Variants in TENM3 observed in about 807,000 individuals in gnomAD.
The protein encoded by TENM3 is teneurin transmembrane protein 3.
In TENM3, 63 loss-of-function variants were observed where a neutral mutation model predicts 255.1. The observed-to-expected ratio is 0.25, with a 90% CI of 0.20 to 0.30. The LOEUF is 0.30. Among genes scored for constraint, TENM3 ranks in the 10% least tolerant of loss-of-function variants. The probability of loss-of-function intolerance (pLI) is 1.00; values close to 1 mark genes in which losing one functional copy is unlikely to be tolerated. For synonymous variants in TENM3, 1,306 were observed against 1,322.3 expected, an observed-to-expected ratio of 0.99 and a Z score of 0.27; for missense variants, 2,929 against 3,461.1, an observed-to-expected ratio of 0.85 and a Z score of 3.86.
chr4:182,260,993 A>C (rs188601391), intron 1 of TENM3, among the ~76,000 whole-genome samples: 1 of 151,784 alleles, frequency 6.6e-6, no homozygotes, highest in African/African-American at 2.4e-5. Flanking sequence ...CTCCTGCTTC[A>C]GCCTCCTGAG....
At chr4:181,846,828 A>G in the TENM3 span, among the ~76,000 whole-genome samples, 1 of 152,216 alleles carries the variant, frequency 6.6e-6, no homozygotes, top group Non-Finnish European at 1.5e-5. Flanking sequence ...TATTACAACA[A>G]CTACCACAGG....
chr4:181,624,106 G>A, the TENM3 span, among the ~76,000 whole-genome samples: 8 of 152,140 alleles, frequency 5.3e-5, no homozygotes, highest in Admixed American at 1.3e-4. Flanking sequence ...CCAGCCTAGC[G>A]TCTACTATAT....
chr4:182,744,894 AC>A (rs1190311991), intron 19 of TENM3, among the ~76,000 whole-genome samples: 15 of 152,212 alleles, frequency 9.9e-5, no homozygotes. Context: ...TGCAGAAGAT[AC>A]AATAAAGACT....
At chr4:182,240,667 G>A (rs772107571), upstream of TENM3, among the ~76,000 whole-genome samples, 3 of 152,164 alleles carry the variant, frequency 2.0e-5, no homozygotes, top group Non-Finnish European at 4.4e-5. Context: ...CGGCCCTGCA[G>A]CCCACGAGAG....
chr4:181,656,481 G>T, the TENM3 span, among the ~76,000 whole-genome samples: 8 of 152,194 alleles, frequency 5.3e-5, no homozygotes, highest in Non-Finnish European at 1.0e-4. Flanking sequence ...GTGGAAAATA[G>T]AATAGGCAAT....
the TENM3 span, among the ~76,000 whole-genome samples, chr4:181,956,384 A>T: frequency 9.9e-5 from 15 of 152,192 alleles, no homozygotes; most frequent in African/African-American, 3.1e-4. Context: ...TTCAATAGAC[A>T]CCCATGACAA....
At chr4:181,665,890 G>A in the TENM3 span, among the ~76,000 whole-genome samples, 1 of 151,796 alleles carries the variant, frequency 6.6e-6, no homozygotes, top group Non-Finnish European at 1.5e-5. Context: ...ATAAAATAAT[G>A]CATAAAATAA....
At chr4:181,530,775 G>A in the TENM3 span, among the ~76,000 whole-genome samples, 4 of 152,234 alleles carry the variant, frequency 2.6e-5, no homozygotes, top group Non-Finnish European at 5.9e-5. Context: ...TGTCGTATTC[G>A]TTGGAGGAGT....
intron 11 of TENM3, among the ~76,000 whole-genome samples, chr4:182,683,249 A>G (rs1477801602): frequency 6.6e-6 from 1 of 152,182 alleles, no homozygotes; most frequent in African/African-American, 2.4e-5. Context: ...ATTACTTGGA[A>G]TAATATATAT....
At chr4:181,918,070 T>A in the TENM3 span, among the ~76,000 whole-genome samples, 1 of 152,170 alleles carries the variant, frequency 6.6e-6, no homozygotes, top group Non-Finnish European at 1.5e-5. Flanking sequence ...CAGTTTCTTC[T>A]CTCTAAAAGT....
chr4:182,678,409 T>C (rs1476107992), intron 7 of TENM3, among the ~76,000 whole-genome samples: 2 of 152,206 alleles, frequency 1.3e-5, no homozygotes, highest in East Asian at 3.8e-4. Flanking sequence ...AACCCCTCCA[T>C]TGTTTAACTG....
At chr4:181,531,936 C>A in the TENM3 span, among the ~76,000 whole-genome samples, 2 of 152,242 alleles carry the variant, frequency 1.3e-5, no homozygotes, top group African/African-American at 4.8e-5. Flanking sequence ...TGGCTCACCC[C>A]TGCAGTTGCA....
At chr4:182,294,341 GCC>G (rs1761329284) in intron 1 of TENM3, among the ~76,000 whole-genome samples, 1 of 152,026 alleles carries the variant, frequency 6.6e-6, no homozygotes, top group Non-Finnish European at 1.5e-5. Flanking sequence ...AGATTCTAGG[GCC>G]ACCCCACAGC....
chr4:181,469,442 G>T, the TENM3 span, among the ~76,000 whole-genome samples: 142 of 152,240 alleles, frequency 9.3e-4, no homozygotes, highest in Middle Eastern at 3.4e-3. Context: ...GGACAGAAAT[G>T]AAGCTTGTTT....
the TENM3 span, among the ~76,000 whole-genome samples, chr4:181,807,762 C>T: frequency 3.3e-5 from 5 of 152,092 alleles, no homozygotes; most frequent in African/African-American, 7.2e-5. Flanking sequence ...AGTATGTTCC[C>T]ACCTAAATGG....
At chr4:182,447,700 A>AC (rs2151293585) in intron 3 of TENM3, among the ~76,000 whole-genome samples, 1 of 152,304 alleles carries the variant, frequency 6.6e-6, no homozygotes, top group South Asian at 2.1e-4. Flanking sequence ...TGATAAAGAT[A>AC]TGTTGTTGAT....
intron 3 of TENM3, among the ~76,000 whole-genome samples, chr4:182,584,245 C>T (rs1241071438): frequency 2.0e-5 from 3 of 152,208 alleles, no homozygotes; most frequent in Admixed American, 1.3e-4. Flanking sequence ...CAATATTAAT[C>T]GAAAGCCTTT....
chr4:182,340,856 T>C (rs73009455), intron 2 of TENM3, among the ~76,000 whole-genome samples: 11,453 of 152,280 alleles, frequency 0.075, 449 homozygotes, highest in Non-Finnish European at 0.083. Flanking sequence ...AATAATTCCA[T>C]TCAAGCTCAC....
chr4:181,833,057 G>T, the TENM3 span, among the ~76,000 whole-genome samples: 27 of 152,186 alleles, frequency 1.8e-4, no homozygotes, highest in African/African-American at 6.3e-4. Flanking sequence ...AGGTCTGAAA[G>T]AACTGAGATT....
Sources: gnomAD v4.1 joint callset for allele counts (sites outside exome capture counted in the v4.1 genomes callset) on GRCh38, gnomAD v4.1.1 for gene constraint, MANE v1.5 for transcripts, NCBI Gene and HGNC (gene_info 2026-07-23, HGNC 2026-07-21) for gene names.